Variants in ITSN2 observed in about 807,000 individuals in gnomAD.
ITSN2 encodes intersectin-2.
ITSN2 carries 156 observed loss-of-function variants against 243.7 expected under a neutral mutation model. That is an observed-to-expected ratio of 0.64 (90% CI 0.56 to 0.73). The LOEUF is 0.73. Ranked by LOEUF, ITSN2 falls within the 30% of genes least tolerant of loss-of-function variation. ITSN2 has a pLI of 0.00. For synonymous variants in ITSN2, 703 were observed against 699.9 expected, an observed-to-expected ratio of 1.00 and a Z score of -0.07; for missense variants, 1,801 against 1,996.1, an observed-to-expected ratio of 0.90 and a Z score of 1.86.
chr2:24,319,434 G>T (rs1046698610), intron 2 of ITSN2, among the ~76,000 whole-genome samples: 1 of 152,172 alleles, frequency 6.6e-6, no homozygotes, highest in Admixed American at 6.5e-5. Context: ...AGCACCTTAT[G>T]AGTCTGCCAT....
intron 21 of ITSN2, 39 bp from the exon 22 acceptor site, chr2:24,261,289 T>C: frequency 1.4e-6 from 2 of 1,461,334 alleles, no homozygotes; most frequent in Non-Finnish European, 1.9e-6. Flanking sequence ...TATTTATTTG[T>C]TTAGAACTTA....
At chr2:24,236,593 A>C (rs983704895) in intron 29 of ITSN2, among the ~76,000 whole-genome samples, 3 of 147,772 alleles carry the variant, frequency 2.0e-5, no homozygotes, top group Non-Finnish European at 3.0e-5. Flanking sequence ...TCAGTCTTTG[A>C]CTCCTTGACT....
At chr2:24,311,923 C>G (rs967826578) in intron 5 of ITSN2, among the ~76,000 whole-genome samples, 5 of 152,030 alleles carry the variant, frequency 3.3e-5, no homozygotes, top group African/African-American at 1.2e-4. Flanking sequence ...ATTGGCTATA[C>G]CTAGGGAGAC....
chr2:24,271,496 C>A (rs939871414), intron 19 of ITSN2, among the ~76,000 whole-genome samples: 1 of 152,118 alleles, frequency 6.6e-6, no homozygotes, highest in African/African-American at 2.4e-5. Flanking sequence ...AACTATTTTA[C>A]TTCAATTATG....
At chr2:24,329,259 T>G (rs78686665) in intron 1 of ITSN2, among the ~76,000 whole-genome samples, 2 of 6,500 alleles carry the variant, frequency 3.1e-4, no homozygotes, top group Non-Finnish European at 7.5e-4. Context: ...TGTTTTTTTT[T>G]TTGTTTGTTT....
In ITSN2 at chr2:24,206,018, C is replaced by G. The variant is rs537222700; in HGVS notation, c.4679-721G>C. On this transcript the variant is annotated intron_variant, in intron 37 of 39. Coordinates refer to ENST00000355123, the MANE Select transcript of ITSN2 (RefSeq NM_006277.3). ...GTTAAGCCTAGCACAGAGCCTGGCA[C>G]AAAGTAATTGACAAATGTGGGAAGG... 6.6e-4 allele frequency among the ~76,000 whole-genome samples: 101 copies of G among 152,062 alleles called. No homozygotes were observed. In the Middle Eastern group the frequency reaches 0.017, roughly 26 times the overall value.
At position 24,271,787 on chromosome 2, in the gene ITSN2, A is replaced by C. The variant is rs1239648613; in HGVS notation, c.2236T>G (p.Leu746Val). ...TTACGTTTTTTCTCCTCAGCTTTCA[A>C]AGTATCCTTATCCTTACGTTGTTTC... ...EEKQRKDKDT[L>V]KAEEKKRETA... The change falls in exon 19 of 40, where the codon TTG becomes GTG. Residue 746 changes from leucine (L) to valine (V), a missense_variant. By Grantham distance (32) the Leu-to-Val change is conservative. This residue lies in a region of ITSN2 where 787 missense variants were observed against 803.9 expected (regional missense o/e 0.98). Transcript: ENST00000355123. The C allele has an allele frequency of 6.3e-7, 1 of 1,589,130 alleles. No individual in the cohort carries two copies. The highest frequency in any genetic ancestry group is 8.5e-7 in the Non-Finnish European group (1 of 1,172,886).
intron 1 of ITSN2, among the ~76,000 whole-genome samples, chr2:24,336,036 T>C (rs1190737594): frequency 6.6e-6 from 1 of 151,168 alleles, no homozygotes; most frequent in East Asian, 2.0e-4. Flanking sequence ...GGTCAGGAGA[T>C]CGAGACCATC....
Position 24,208,649 on chromosome 2 carries a change from G to A in ITSN2, c.4596-330C>T, listed in dbSNP as rs556277748. Among the ~76,000 whole-genome samples the A allele has an allele frequency of 5.9e-5, 9 of 152,326 alleles. No homozygotes were observed. In the East Asian group the frequency reaches 9.6e-4, roughly 16 times the overall value. On this transcript the variant is annotated intron_variant, in intron 36 of 39. Transcript: ENST00000355123. ...CAGCAGCACCCCCCGGGTTGGCGCC[G>A]CGGAGGCACTGTTGGAGCTGCAGCC...
chr2:24,343,960 G>C (rs1355288589), intron 1 of ITSN2, among the ~76,000 whole-genome samples: 2 of 152,124 alleles, frequency 1.3e-5, no homozygotes, highest in African/African-American at 4.8e-5. Context: ...TGAACCTGAA[G>C]ACCCAGTCCT....
intron 3 of ITSN2, among the ~76,000 whole-genome samples, chr2:24,313,857 T>C (rs528759086): frequency 6.6e-6 from 1 of 152,326 alleles, no homozygotes; most frequent in East Asian, 1.9e-4. Context: ...AGTTTCAATA[T>C]AAAAAGTACC....
chr2:24,348,232 T>G (rs1687725224), intron 1 of ITSN2, among the ~76,000 whole-genome samples: 1 of 131,868 alleles, frequency 7.6e-6, no homozygotes, highest in Non-Finnish European at 1.5e-5. Flanking sequence ...TGGAGTGCAG[T>G]GGCGCGATAT....
Position 24,211,081 on chromosome 2 carries a change from C to T in ITSN2, c.4090-134G>A, listed in dbSNP as rs1382729899. 12 of 752,664 alleles carry T rather than the reference C, an allele frequency of 1.6e-5. No individual in the cohort carries two copies. The highest frequency in any genetic ancestry group is 5.4e-5 in the South Asian group (3 of 55,382). 46.6% of individuals were successfully genotyped at this position (752,664 alleles called of 1,614,324 possible). On this transcript the variant is annotated intron_variant, in intron 33 of 39. Coordinates refer to ENST00000355123, the MANE Select transcript of ITSN2 (RefSeq NM_006277.3). This position sits in a 1 kb window ranked among gnomAD's most constrained non-coding sequence, Gnocchi z 4.1. ...CCTGGAAACGCGGCGGTGAACAAGA[C>T]GACACTTTCCGCCCTTGAGAAACTC... is the stretch of plus-strand genomic sequence containing the variant.
At chr2:24,217,099 A>T (rs1353111727) in intron 31 of ITSN2, among the ~76,000 whole-genome samples, 13 of 126,166 alleles carry the variant, frequency 1.0e-4, no homozygotes, top group African/African-American at 1.2e-4. Flanking sequence ...AAAAAAAAAA[A>T]TTAGCCAGGT....
At chr2:24,280,959 C>T (rs1678694201) in intron 17 of ITSN2, among the ~76,000 whole-genome samples, 1 of 152,188 alleles carries the variant, frequency 6.6e-6, no homozygotes, top group Non-Finnish European at 1.5e-5. Flanking sequence ...CCAAATATCC[C>T]ATTCTTCAAA....
intron 15 of ITSN2, among the ~76,000 whole-genome samples, 185 bp from the exon 16 acceptor site, chr2:24,286,536 A>C (rs898884399): frequency 6.6e-6 from 1 of 152,224 alleles, no homozygotes; most frequent in Non-Finnish European, 1.5e-5. Context: ...TGCTGGAAAG[A>C]GCATCAGAGG....
intron 2 of ITSN2, among the ~76,000 whole-genome samples, chr2:24,322,894 A>G (rs1426034331): frequency 1.3e-5 from 2 of 152,136 alleles, no homozygotes; most frequent in South Asian, 2.1e-4. Context: ...CCCCCTCAAA[A>G]AAAAGGAACA....
Position 24,210,844 on chromosome 2 carries a change from T to TC in ITSN2, c.4192dup (p.Glu1398GlyfsTer18). 1 of 1,614,048 alleles carries TC rather than the reference T, an allele frequency of 6.2e-7. No homozygotes were observed. Among genetic ancestry groups the TC allele is most frequent in the Non-Finnish European group, 8.5e-7 (1 of 1,180,008 alleles). On this transcript the variant is annotated frameshift_variant, in exon 34 of 40. Coordinates refer to ENST00000355123, the MANE Select transcript of ITSN2 (RefSeq NM_006277.3). LOFTEE classifies it high-confidence loss of function. Reference sequence around the variant, plus strand: ...CTCCAGTCGGTCCGAGTTTTCCTTCTCCCGAACTCCCTCATTCACTTGAGA... The same window carrying TC: ...CTCCAGTCGGTCCGAGTTTTCCTTCTCCCCGAACTCCCTCATTCACTTGAGA...
intron 7 of ITSN2, among the ~76,000 whole-genome samples, chr2:24,309,243 A>T (rs1002557080): frequency 2.0e-5 from 3 of 152,168 alleles, no homozygotes; most frequent in African/African-American, 7.2e-5. Context: ...GCCAGCCTGG[A>T]GTGCAGTGGC....
Sources: gnomAD v4.1 joint callset for allele counts (sites outside exome capture counted in the v4.1 genomes callset) on GRCh38, gnomAD v4.1.1 for gene constraint, gnomAD v4.1.1 regional missense constraint, Gnocchi (gnomAD v3.1) non-coding constraint, MANE v1.5 for transcripts, NCBI Gene and HGNC (gene_info 2026-07-23, HGNC 2026-07-21) for gene names.